The following LRCH2 variants were observed in gnomAD, a reference collection of about 807,000 sequenced individuals.
LRCH2 encodes the protein leucine rich repeats and calponin homology domain containing 2, also known as leucine-rich repeat and calponin homology domain-containing protein 2.
In LRCH2, 38 loss-of-function variants were observed where a neutral mutation model predicts 68.9. The observed-to-expected ratio is 0.55, with a 90% CI of 0.43 to 0.72. The LOEUF (loss-of-function observed/expected upper bound fraction) is 0.72, where lower values mean the gene tolerates loss of function less well. LRCH2 is among the 30% of genes least tolerant of loss of function. LRCH2 has a pLI of 0.00. For synonymous variants in LRCH2, 191 were observed against 208.1 expected (o/e 0.92, Z 0.71); for missense variants, 528 against 572.9 (o/e 0.92, Z 0.80).
chrX:115,223,848 C>T (rs782034227), intron 1 of LRCH2, among the ~76,000 whole-genome samples: 13 of 109,146 alleles, frequency 1.2e-4, no homozygotes, highest in Non-Finnish European at 2.3e-4. Context: ...ATCGCTTGAG[C>T]CCAGGAGGCG....
At chrX:115,214,728 C>T (rs2073030357) in intron 1 of LRCH2, among the ~76,000 whole-genome samples, 1 of 111,615 alleles carries the variant, frequency 9.0e-6, no homozygotes, top group Non-Finnish European at 1.9e-5. Flanking sequence ...AGCAAAGGTG[C>T]AAACAAAAAC....
At chrX:115,218,785 T>C (rs782227661) in intron 1 of LRCH2, among the ~76,000 whole-genome samples, 6 of 112,223 alleles carry the variant, frequency 5.3e-5, no homozygotes, top group Non-Finnish European at 1.1e-4. Flanking sequence ...ATCGGGGCTG[T>C]GAGAGGCTGC....
At chrX:115,146,253 A>G (rs1177953600) in intron 14 of LRCH2, among the ~76,000 whole-genome samples, 1 of 111,412 alleles carries the variant, frequency 9.0e-6, no homozygotes, top group African/African-American at 3.3e-5. Flanking sequence ...AAAGATAGAG[A>G]GTAGAAGGAT....
At chrX:115,212,634 G>A (rs75914906) in intron 1 of LRCH2, among the ~76,000 whole-genome samples, 5 of 109,449 alleles carry the variant, frequency 4.6e-5, no homozygotes, top group African/African-American at 1.7e-4. Context: ...TAAGTAGCTG[G>A]GACTACAAGC....
Position 115,192,201 on chromosome X carries a change from G to A in LRCH2, c.350-3831C>T, listed in dbSNP as rs781947302. ...GCTACGAGGAATACCAAGGCCGCTCGCCCAATGCCTACGGCGGGGGCCGCG... is the reference window on the plus strand; with the variant it reads ...GCTACGAGGAATACCAAGGCCGCTCACCCAATGCCTACGGCGGGGGCCGCG... On this transcript the variant is annotated intron_variant, in intron 1 of 20. Coordinates refer to ENST00000317135, the MANE Select transcript of LRCH2 (RefSeq NM_020871.4). 1.3e-5 allele frequency: 15 copies of A among 1,163,485 alleles called. No homozygotes were observed. The East Asian group carries it at 1.6e-4, about 13-fold the overall frequency.
In LRCH2 at chrX:115,190,828, G is replaced by A. The variant is rs189571980; in HGVS notation, c.350-2458C>T. On this transcript the variant is annotated intron_variant, in intron 1 of 20. Transcript: ENST00000317135. ...GGGCCATGACAGTTCCAGCTGGAGC[G>A]ACTGCTGCGGAGGAGGAGGCCGTTA... 3.8e-4 allele frequency: 431 copies of A among 1,149,326 alleles called. 2 individuals carry two copies. In the African/African-American group the frequency reaches 5.3e-3, roughly 14 times the overall value. The allele number at this position is 1,149,326 out of a possible 1,213,427, so 94.7% of individuals were successfully genotyped here.
chrX:115,233,417 C>T (rs1286667045), intron 1 of LRCH2, among the ~76,000 whole-genome samples: 1 of 111,641 alleles, frequency 9.0e-6, no homozygotes, highest in African/African-American at 3.3e-5. Flanking sequence ...TCAATGACTC[C>T]CTCCCACCCA....
intron 1 of LRCH2, among the ~76,000 whole-genome samples, chrX:115,221,090 T>C (rs1179220473): frequency 1.0e-5 from 1 of 100,072 alleles, no homozygotes; most frequent in East Asian, 3.1e-4. Context: ...GGCAGGAGAA[T>C]GGCGTGAACC....
At chrX:115,191,994 G>A (rs1187056529) in intron 1 of LRCH2, 2 of 1,167,463 alleles carry the variant, frequency 1.7e-6, no homozygotes, top group Admixed American at 2.6e-5. Context: ...GTTACGACCG[G>A]AGCCACCGCT....
chrX:115,189,903 G>A lies in LRCH2; in HGVS notation c.350-1533C>T, dbSNP rs191960604. The stretch of plus-strand genomic sequence containing the variant: ...TGCCCAGGAAGCGCGGGCCGCCACC[G>A]CGGCACTGGGCCAGCCCACCCCACA... On this transcript the variant is annotated intron_variant, in intron 1 of 20. Coordinates refer to ENST00000317135, the MANE Select transcript of LRCH2 (RefSeq NM_020871.4). The A allele has an allele frequency of 3.8e-4, 435 of 1,158,979 alleles. 1 individual carries two copies. The African/African-American group carries it at 4.9e-3, about 13-fold the overall frequency.
chrX:115,181,710 C>T (rs1031600185), intron 3 of LRCH2, among the ~76,000 whole-genome samples: 7 of 112,170 alleles, frequency 6.2e-5, no homozygotes, highest in Non-Finnish European at 1.3e-4. Flanking sequence ...AATTAGCCCT[C>T]CTAATGCTAT....
intron 6 of LRCH2, among the ~76,000 whole-genome samples, chrX:115,168,139 A>C (rs1197240322): frequency 8.9e-6 from 1 of 112,145 alleles, no homozygotes; most frequent in African/African-American, 3.2e-5. Context: ...CTGACTCCAA[A>C]AGCTATTATA....
At chrX:115,205,905 T>C (rs1300769293) in intron 1 of LRCH2, among the ~76,000 whole-genome samples, 1 of 109,996 alleles carries the variant, frequency 9.1e-6, no homozygotes, top group Non-Finnish European at 1.9e-5. Flanking sequence ...GCCATTGCAC[T>C]TCAGCCTGGG....
chrX:115,165,984 G>C (rs2072556515), intron 7 of LRCH2, 32 bp from the exon 8 acceptor site: 1 of 1,004,387 alleles, frequency 1.0e-6, no homozygotes, highest in African/African-American at 1.9e-5. Flanking sequence ...TACAAATGAG[G>C]CATTTTAAAC....
chrX:115,192,476 C>G, intron 1 of LRCH2: 3 of 1,170,702 alleles, frequency 2.6e-6, no homozygotes, highest in Non-Finnish European at 3.4e-6. Flanking sequence ...GACCGCTACT[C>G]GAGGGGTCGA....
intron 14 of LRCH2, among the ~76,000 whole-genome samples, chrX:115,140,618 A>G (rs1036023064): frequency 6.3e-5 from 7 of 110,982 alleles, no homozygotes; most frequent in African/African-American, 2.3e-4. Context: ...GCCAGAATTC[A>G]GGGTGAGTCC....
At position 115,124,947 on chromosome X, in the gene LRCH2, C is replaced by T. The variant is rs782080350; in HGVS notation, c.1792-945G>A. Among the ~76,000 whole-genome samples, 20 of 111,217 alleles carry T rather than the reference C, an allele frequency of 1.8e-4. No individual in the cohort carries two copies. The South Asian group carries it at 7.7e-3, about 43-fold the overall frequency. ...AATGTAATCAGAATTCTGTAGATTA[C>T]CTAAATCTTCTGTTAACACGTGATA... is the stretch of plus-strand genomic sequence containing the variant. On this transcript the variant is annotated intron_variant, in intron 16 of 20. Transcript: ENST00000317135.
intron 2 of LRCH2, among the ~76,000 whole-genome samples, chrX:115,187,598 A>G (rs191994697): frequency 2.7e-5 from 3 of 112,264 alleles, no homozygotes; most frequent in Admixed American, 9.4e-5. Context: ...AGGGATAACA[A>G]TGGTACCTAT....
At position 115,190,221 on chromosome X, in the gene LRCH2, C is replaced by A. The variant is rs1556556929; in HGVS notation, c.350-1851G>T. ...TTGTCCCTGCGCTCAGAGACTACAG[C>A]CGCCGCTATTATGGCCACTCCAGTG... On this transcript the variant is annotated intron_variant, in intron 1 of 20. Coordinates refer to ENST00000317135, the MANE Select transcript of LRCH2 (RefSeq NM_020871.4). The A allele has an allele frequency of 1.7e-6, 2 of 1,165,859 alleles. No individual in the cohort carries two copies. Among genetic ancestry groups the A allele is most frequent in the Admixed American group, 2.6e-5 (1 of 38,758 alleles).
Sources: gnomAD v4.1 joint callset for allele counts (sites outside exome capture counted in the v4.1 genomes callset) on GRCh38, gnomAD v4.1.1 for gene constraint, MANE v1.5 for transcripts, NCBI Gene and HGNC (gene_info 2026-07-23, HGNC 2026-07-21) for gene names.